Variants in NDUFS4 observed in about 807,000 individuals in gnomAD.
The protein encoded by NDUFS4 is NADH dehydrogenase [ubiquinone] iron-sulfur protein 4, mitochondrial.
Under a neutral mutation model 24.3 loss-of-function variants are expected in NDUFS4, and 28 were observed. That is an observed-to-expected ratio of 1.15 (90% confidence interval 0.85 to 1.58). The LOEUF (loss-of-function observed/expected upper bound fraction) is 1.58. NDUFS4 is among the 40% of genes most tolerant of loss of function. NDUFS4 has a pLI of 0.00. For missense variants in NDUFS4, 223 were observed against 207.9 expected (o/e 1.07, Z -0.45); for synonymous variants, 93 against 69.7 (o/e 1.34, Z -1.67).
At chr5:53,576,985 T>C (rs1397119796) in intron 1 of NDUFS4, among the ~76,000 whole-genome samples, 1 of 152,148 alleles carries the variant, frequency 6.6e-6, no homozygotes, top group African/African-American at 2.4e-5. Flanking sequence ...GGCCAAATAC[T>C]CATTTCTCGG....
At chr5:53,612,474 T>A (rs1195145094) in intron 2 of NDUFS4, among the ~76,000 whole-genome samples, 3 of 152,114 alleles carry the variant, frequency 2.0e-5, no homozygotes, top group Non-Finnish European at 4.4e-5. Context: ...CAAAACTTTT[T>A]TGAGAAATTA....
intron 2 of NDUFS4, among the ~76,000 whole-genome samples, chr5:53,619,995 G>A (rs555084445): frequency 6.6e-6 from 1 of 152,020 alleles, no homozygotes; most frequent in South Asian, 2.1e-4. Context: ...CTTTGAAGTG[G>A]AATTACTAAA....
At chr5:53,673,941 G>C (rs779015740) in intron 4 of NDUFS4, among the ~76,000 whole-genome samples, 1 of 152,130 alleles carries the variant, frequency 6.6e-6, no homozygotes, top group Non-Finnish European at 1.5e-5. Flanking sequence ...CAGCCTCTCT[G>C]TAGCATATGA....
chr5:53,640,771 A>G (rs1009719691), intron 2 of NDUFS4, among the ~76,000 whole-genome samples: 4 of 152,102 alleles, frequency 2.6e-5, no homozygotes, highest in Non-Finnish European at 4.4e-5. Flanking sequence ...TTTGGAGGAG[A>G]TAGCCCTTTC....
chr5:53,644,592 CTT>C (rs953022104), intron 2 of NDUFS4, among the ~76,000 whole-genome samples: 6 of 151,962 alleles, frequency 3.9e-5, no homozygotes, highest in African/African-American at 1.4e-4. Flanking sequence ...AATACTTAAA[CTT>C]TTTTTGAAGT....
chr5:53,593,581 G>T (rs1206163971), intron 1 of NDUFS4, among the ~76,000 whole-genome samples: 1 of 147,778 alleles, frequency 6.8e-6, no homozygotes, highest in Admixed American at 6.9e-5. Context: ...TCTTCTTCTT[G>T]CCTTAGGTTT....
At chr5:53,611,147 A>C (rs1394845571) in intron 2 of NDUFS4, among the ~76,000 whole-genome samples, 3 of 151,432 alleles carry the variant, frequency 2.0e-5, no homozygotes, top group Non-Finnish European at 4.4e-5. Flanking sequence ...AAATTACAAG[A>C]ATTTTCATAG....
At chr5:53,628,715 G>C (rs1467271510) in intron 2 of NDUFS4, among the ~76,000 whole-genome samples, 1 of 152,156 alleles carries the variant, frequency 6.6e-6, no homozygotes, top group East Asian at 1.9e-4. Context: ...TGTTTGATCA[G>C]TGGTGATATC....
intron 2 of NDUFS4, among the ~76,000 whole-genome samples, chr5:53,629,468 T>C (rs952890796): frequency 2.6e-5 from 4 of 152,174 alleles, no homozygotes; most frequent in African/African-American, 9.7e-5. Flanking sequence ...TGTCTAATAT[T>C]GACAGTGGTG....
chr5:53,666,152 A>C (rs1043700739), intron 4 of NDUFS4, among the ~76,000 whole-genome samples: 13 of 152,342 alleles, frequency 8.5e-5, no homozygotes, highest in African/African-American at 2.9e-4. Flanking sequence ...TAACATAGTT[A>C]TGAAAAACAG....
intron 1 of NDUFS4, among the ~76,000 whole-genome samples, chr5:53,586,515 T>TTA (rs1749760652): frequency 9.9e-6 from 1 of 101,402 alleles, no homozygotes; most frequent in Non-Finnish European, 1.9e-5. Context: ...TTAGTTAGTT[T>TTA]GTTTGTTTGT....
intron 3 of NDUFS4, among the ~76,000 whole-genome samples, chr5:53,651,145 T>C (rs1016005692): frequency 2.2e-4 from 33 of 152,250 alleles, no homozygotes; most frequent in African/African-American, 7.7e-4. Flanking sequence ...TTAATTCTTT[T>C]TGTTCTGGTG....
At chr5:53,563,255 GAAAA>G (rs893632240) in intron 1 of NDUFS4, among the ~76,000 whole-genome samples, 10 of 125,658 alleles carry the variant, frequency 8.0e-5, no homozygotes, top group Non-Finnish European at 1.2e-4. Context: ...AAAAAAAAAA[GAAAA>G]GGAAGGATGC....
chr5:53,656,177 G>A (rs959231612), intron 3 of NDUFS4, among the ~76,000 whole-genome samples: 2 of 148,362 alleles, frequency 1.3e-5, no homozygotes, highest in African/African-American at 2.5e-5. Flanking sequence ...ACTTTAGATT[G>A]GTTCCTTTTT....
intron 4 of NDUFS4, among the ~76,000 whole-genome samples, chr5:53,672,991 C>T (rs1040088988): frequency 1.3e-5 from 2 of 152,042 alleles, no homozygotes; most frequent in Non-Finnish European, 2.9e-5. Flanking sequence ...AAGATGCAAC[C>T]AAGTTAATAT....
At chr5:53,656,510 T>C (rs757584099) in intron 3 of NDUFS4, among the ~76,000 whole-genome samples, 2 of 152,184 alleles carry the variant, frequency 1.3e-5, no homozygotes, top group Non-Finnish European at 2.9e-5. Flanking sequence ...GACTTCCATG[T>C]GCAGAGAGTA....
rs113042486 is a variant in NDUFS4, at chr5:53,598,475, G to C, written c.99-4977G>C. On this transcript the variant is annotated intron_variant, in intron 1 of 4. Transcript: ENST00000296684. ...TTAAAACAAAGTAGAACTATCGTCA[G>C]TTCCACTTACTAGAATCAAATAGAC... Among the ~76,000 whole-genome samples, 13 of 152,246 alleles carry C rather than the reference G, an allele frequency of 8.5e-5. No individual in the cohort carries two copies. In the East Asian group the frequency reaches 1.7e-3, roughly 20 times the overall value.
At chr5:53,636,485 TC>T (rs1371746346) in intron 2 of NDUFS4, among the ~76,000 whole-genome samples, 1 of 152,194 alleles carries the variant, frequency 6.6e-6, no homozygotes, top group African/African-American at 2.4e-5. Context: ...TAACAAAACT[TC>T]AAAAACAATG....
At chr5:53,666,247 G>A (rs1225146606) in intron 4 of NDUFS4, among the ~76,000 whole-genome samples, 8 of 152,074 alleles carry the variant, frequency 5.3e-5, no homozygotes, top group African/African-American at 1.9e-4. Context: ...TGTCACATGA[G>A]TTTAATAACA....
Sources: gnomAD v4.1 joint callset for allele counts (sites outside exome capture counted in the v4.1 genomes callset) on GRCh38, gnomAD v4.1.1 for gene constraint, MANE v1.5 for transcripts, NCBI Gene and HGNC (gene_info 2026-07-23, HGNC 2026-07-21) for gene names.